Variants in PPP2R5E observed in about 807,000 individuals in gnomAD.
PPP2R5E encodes the protein protein phosphatase 2 regulatory subunit B'epsilon, also known as serine/threonine-protein phosphatase 2A 56 kDa regulatory subunit epsilon isoform.
Under a neutral mutation model 65.3 loss-of-function variants are expected in PPP2R5E, and 4 were observed. The ratio of observed to expected loss-of-function variants is 0.06; its 90% CI spans 0.03 to 0.14. The LOEUF is 0.14. PPP2R5E is among the 10% of genes least tolerant of loss of function. The pLI is 1.00. For synonymous variants in PPP2R5E, 183 were observed against 187.4 expected (o/e 0.98, Z 0.19); for missense variants, 274 against 556.1 (o/e 0.49, Z 5.10).
At chr14:63,450,445 TG>T (rs1412246506) in intron 3 of PPP2R5E, among the ~76,000 whole-genome samples, 1 of 151,922 alleles carries the variant, frequency 6.6e-6, no homozygotes, top group East Asian at 1.9e-4. Flanking sequence ...GGCTGGAGAA[TG>T]GGGAGGAAAA....
At chr14:63,484,046 T>C (rs1172093968) in intron 2 of PPP2R5E, among the ~76,000 whole-genome samples, 1 of 150,206 alleles carries the variant, frequency 6.7e-6, no homozygotes, top group Non-Finnish European at 1.5e-5. Flanking sequence ...ATCACACCAC[T>C]GCACTCCAGC....
At chr14:63,493,783 T>C (rs1021461680) in intron 2 of PPP2R5E, among the ~76,000 whole-genome samples, 10 of 152,246 alleles carry the variant, frequency 6.6e-5, no homozygotes, top group African/African-American at 1.9e-4. Flanking sequence ...TAAATCACTG[T>C]GGAAGTGATG....
At chr14:63,481,006 C>CT (rs1378733578) in intron 2 of PPP2R5E, among the ~76,000 whole-genome samples, 2 of 152,168 alleles carry the variant, frequency 1.3e-5, no homozygotes, top group African/African-American at 4.8e-5. Flanking sequence ...AGTTTATCTG[C>CT]TTTCAACAAT....
intron 3 of PPP2R5E, among the ~76,000 whole-genome samples, chr14:63,427,108 G>C (rs1434149249): frequency 9.2e-5 from 14 of 152,142 alleles, no homozygotes; most frequent in Admixed American, 9.2e-4. Context: ...ATTAAATAGG[G>C]CACTTGCATG....
At chr14:63,450,051 T>C (rs1249259741) in intron 3 of PPP2R5E, among the ~76,000 whole-genome samples, 1 of 152,044 alleles carries the variant, frequency 6.6e-6, no homozygotes, top group Non-Finnish European at 1.5e-5. Flanking sequence ...AATTTTTGTA[T>C]TTTTAGTACA....
rs117642114 is a variant in PPP2R5E at position 63,419,986 on chromosome 14, G to T, written c.456+2007C>A. 3.1e-3 allele frequency among the ~76,000 whole-genome samples: 472 copies of T among 152,298 alleles called. 2 individuals are homozygous for T. The highest frequency in any genetic ancestry group is 3.4e-3 in the Non-Finnish European group (231 of 68,018). Reference sequence around the variant, plus strand: ...TTTGTGGCAGAATTAAAGAGTTTCAGAAATTAATTTGGTCCTGTATTTTAC... The same window carrying T: ...TTTGTGGCAGAATTAAAGAGTTTCATAAATTAATTTGGTCCTGTATTTTAC... On this transcript the variant is annotated intron_variant, in intron 4 of 13. Transcript: ENST00000337537.
At chr14:63,377,802 C>T (rs973039891) in intron 13 of PPP2R5E, among the ~76,000 whole-genome samples, 1 of 152,198 alleles carries the variant, frequency 6.6e-6, no homozygotes, top group Non-Finnish European at 1.5e-5. Flanking sequence ...GAAAAAATTG[C>T]ACTTATAGGA....
chr14:63,404,251 A>G (rs963902555), intron 5 of PPP2R5E, among the ~76,000 whole-genome samples: 2 of 152,356 alleles, frequency 1.3e-5, no homozygotes, highest in East Asian at 1.9e-4. Context: ...CTGCTATAAT[A>G]AAGAATTACC....
intron 2 of PPP2R5E, among the ~76,000 whole-genome samples, chr14:63,479,579 A>C (rs1890589954): frequency 6.6e-6 from 1 of 152,212 alleles, no homozygotes; most frequent in Non-Finnish European, 1.5e-5. Flanking sequence ...ACATAACTTA[A>C]GTCTTTAGTA....
chr14:63,417,653 T>C (rs1886776216), intron 4 of PPP2R5E, among the ~76,000 whole-genome samples: 1 of 152,218 alleles, frequency 6.6e-6, no homozygotes, highest in Non-Finnish European at 1.5e-5. Context: ...AGGGTCAAAA[T>C]GTAATAAAAT....
At chr14:63,416,154 A>G (rs1702326824) in intron 4 of PPP2R5E, among the ~76,000 whole-genome samples, 1 of 152,220 alleles carries the variant, frequency 6.6e-6, no homozygotes. Flanking sequence ...ATGCAACAGT[A>G]TATCAAAACC....
chr14:63,387,103 G>A (rs1417767269), intron 11 of PPP2R5E, among the ~76,000 whole-genome samples: 3 of 152,102 alleles, frequency 2.0e-5, no homozygotes, highest in Non-Finnish European at 4.4e-5. Flanking sequence ...CACAGATAAA[G>A]CAGGAGGCAA....
intron 2 of PPP2R5E, among the ~76,000 whole-genome samples, chr14:63,539,128 T>C (rs1000597911): frequency 2.0e-5 from 3 of 152,200 alleles, no homozygotes; most frequent in Admixed American, 6.5e-5. Context: ...ATTTTCTATA[T>C]GTAAATTAAT....
intron 5 of PPP2R5E, among the ~76,000 whole-genome samples, chr14:63,407,801 A>G (rs980961838): frequency 2.0e-5 from 3 of 152,190 alleles, no homozygotes; most frequent in African/African-American, 7.2e-5. Flanking sequence ...AAATAGATTA[A>G]TGCCACTATG....
chr14:63,393,441 G>A (rs1188955245), intron 8 of PPP2R5E, among the ~76,000 whole-genome samples: 10 of 152,176 alleles, frequency 6.6e-5, no homozygotes, highest in African/African-American at 1.2e-4. Context: ...GCCCGGCGCC[G>A]TGGCTCACAC....
chr14:63,473,197 T>C (rs191128385), intron 2 of PPP2R5E, among the ~76,000 whole-genome samples: 3 of 152,310 alleles, frequency 2.0e-5, no homozygotes, highest in Middle Eastern at 3.4e-3. Flanking sequence ...AGGAAGTTCA[T>C]GAACTGTAGT....
At chr14:63,422,165 C>A in intron 3 of PPP2R5E, 71 bp from the exon 4 acceptor site, 1 of 1,238,640 alleles carries the variant, frequency 8.1e-7, no homozygotes, top group Non-Finnish European at 1.2e-6. Flanking sequence ...TCCTTGGAGC[C>A]AAGCTGAGGG....
chr14:63,521,948 TC>T (rs1289902689), intron 2 of PPP2R5E, among the ~76,000 whole-genome samples: 1 of 77,514 alleles, frequency 1.3e-5, no homozygotes, highest in Non-Finnish European at 2.7e-5. Flanking sequence ...GCCCTCCCCC[TC>T]CCCCTCCCCC....
At chr14:63,466,303 TCC>T (rs1889798866) in intron 2 of PPP2R5E, among the ~76,000 whole-genome samples, 1 of 143,652 alleles carries the variant, frequency 7.0e-6, no homozygotes, top group African/African-American at 2.6e-5. Context: ...CAAGAGTCAA[TCC>T]AATGTTGCAA....
Sources: allele counts gnomAD v4.1 joint callset (sites outside exome capture counted in the v4.1 genomes callset), GRCh38; gene constraint gnomAD v4.1.1; transcripts MANE v1.5; gene names NCBI Gene and HGNC (gene_info 2026-07-23, HGNC 2026-07-21).